RTN4RL2: variants seen among roughly 807,000 people sequenced by gnomAD.
The protein encoded by RTN4RL2 is reticulon-4 receptor-like 2.
RTN4RL2 carries 9 observed loss-of-function variants against 27.8 expected under a neutral mutation model. The ratio of observed to expected loss-of-function variants is 0.32; its 90% CI spans 0.20 to 0.57. The LOEUF is 0.57. Ranked by LOEUF, RTN4RL2 falls within the 20% of genes least tolerant of loss-of-function variation. RTN4RL2 has a pLI of 0.90. For missense variants in RTN4RL2, 436 were observed against 596.8 expected (o/e 0.73, Z 2.81); for synonymous variants, 285 against 297.9 (o/e 0.96, Z 0.45).
chr11:57,461,013 A>G (rs2135113015), intron 1 of RTN4RL2, 117 bp downstream of exon 1: 2 of 582,534 alleles, frequency 3.4e-6, no homozygotes, highest in East Asian at 7.0e-5. Flanking sequence ...GGGGAAGGGG[A>G]AAAGCTCAGC....
intron 1 of RTN4RL2, among the ~76,000 whole-genome samples, chr11:57,462,470 G>A (rs535268753): frequency 6.6e-6 from 1 of 152,300 alleles, no homozygotes; most frequent in Admixed American, 6.5e-5. Context: ...CAGAGCGAGA[G>A]GCCTCTGCTG....
chr11:57,463,814 G>A (rs1047384361), intron 1 of RTN4RL2, among the ~76,000 whole-genome samples: 9 of 152,202 alleles, frequency 5.9e-5, no homozygotes, highest in South Asian at 4.1e-4. Flanking sequence ...GACTGAGGGC[G>A]GGGGAGAGAG....
rs1179670239 is a variant in RTN4RL2 at position 57,467,339 on chromosome 11, T to C, written c.32-270T>C. Among the ~76,000 whole-genome samples the C allele has an allele frequency of 6.6e-6, 1 of 151,850 alleles. No homozygotes were observed. The highest frequency in any genetic ancestry group is 2.4e-5 in the African/African-American group (1 of 41,330). ...GATCCTCCTGCCTCAGCCTCCCAAG[T>C]AGTTGGGACTACAGGCACATGCCAC... On this transcript the variant is annotated intron_variant, in intron 1 of 2. Transcript: ENST00000335099. This position sits in a 1 kb window ranked among gnomAD's most constrained non-coding sequence, Gnocchi z 5.5.
intron 2 of RTN4RL2, among the ~76,000 whole-genome samples, chr11:57,475,889 C>T (rs1015103858): frequency 1.3e-5 from 2 of 152,318 alleles, no homozygotes; most frequent in South Asian, 2.1e-4. Flanking sequence ...GAATTAGAAA[C>T]TCTGCCCCCC....
In RTN4RL2 at chr11:57,467,971, C is replaced by T; in HGVS notation, c.394C>T (p.Arg132Trp). Residue 132 changes from arginine (R) to tryptophan (W), a missense_variant, in exon 2 of 3, where the codon CGG becomes TGG. Physicochemically the swap from Arg to Trp is moderately radical, Grantham distance 101. This residue lies in a region of RTN4RL2 where 365 missense variants were observed against 530.5 expected (regional missense o/e 0.69). Coordinates refer to ENST00000335099, the MANE Select transcript of RTN4RL2 (RefSeq NM_178570.3). This position sits in a 1 kb window ranked among gnomAD's most constrained non-coding sequence, Gnocchi z 5.5. The part of the protein sequence containing the change: ...LEPDTFQGLE[R>W]LQSLHLYRCQ... ...GCCCGACACCTTCCAGGGCCTGGAG[C>T]GGCTGCAGTCGCTGCATTTGTACCG... The T allele has an allele frequency of 2.5e-6, 4 of 1,609,586 alleles. No homozygotes were observed. The highest frequency in any genetic ancestry group is 3.4e-6 in the Non-Finnish European group (4 of 1,179,920).
chr11:57,476,060 CCACGGTG>C lies in RTN4RL2; in HGVS notation c.514-98_514-92del. 1 of 1,129,594 alleles carries C rather than the reference CCACGGTG, an allele frequency of 8.9e-7. No individual in the cohort carries two copies. The highest frequency in any genetic ancestry group is 1.3e-6 in the Non-Finnish European group (1 of 784,032). The allele number at this position is 1,129,594 out of a possible 1,614,324, so 70.0% of individuals were successfully genotyped here. On this transcript the variant is annotated intron_variant, in intron 2 of 2. Transcript: ENST00000335099. The surrounding 1 kb of genome is among the most constrained non-coding windows in gnomAD (Gnocchi z 8.2). Reference sequence around the variant, plus strand: ...CAAAAGGTCAACCCTTTCTCTTCTGCCACGGTGCACCCCCTTCCCTCCCCCGGCCAAG... The same window carrying C: ...CAAAAGGTCAACCCTTTCTCTTCTGCCACCCCCTTCCCTCCCCCGGCCAAG...
chr11:57,473,347 C>T (rs1943575308), intron 2 of RTN4RL2, among the ~76,000 whole-genome samples: 1 of 152,138 alleles, frequency 6.6e-6, no homozygotes, highest in African/African-American at 2.4e-5. Context: ...CGCAAGGTCA[C>T]ACAGCCAAGC....
At position 57,467,566 on chromosome 11, in the gene RTN4RL2, C is replaced by G; in HGVS notation, c.32-43C>G. On this transcript the variant is annotated intron_variant, in intron 1 of 2. Coordinates refer to ENST00000335099, the MANE Select transcript of RTN4RL2 (RefSeq NM_178570.3). This position sits in a 1 kb window ranked among gnomAD's most constrained non-coding sequence, Gnocchi z 5.5. ...GGCTGGCCCCCAGCTGGCACTCCTG[C>G]CCTGGAAGCCCACCTAGTAAGTTCT... 6.4e-7 allele frequency: 1 copy of G among 1,560,314 alleles called. No homozygotes were observed. The highest frequency in any genetic ancestry group is 1.4e-5 in the African/African-American group (1 of 73,772).
chr11:57,462,623 A>G lies in RTN4RL2; in HGVS notation c.31+1727A>G, dbSNP rs576818757. On this transcript the variant is annotated intron_variant, in intron 1 of 2. Coordinates refer to ENST00000335099, the MANE Select transcript of RTN4RL2 (RefSeq NM_178570.3). ...TCTTCTACAGGGGCCTCCGGCCCAA[A>G]GAGTGGCCTGTGGGCTGAGAACTTT... is the stretch of plus-strand genomic sequence containing the variant. 2.3e-4 allele frequency among the ~76,000 whole-genome samples: 35 copies of G among 152,370 alleles called. No individual in the cohort carries two copies. In the East Asian group the frequency reaches 5.8e-3, roughly 25 times the overall value.
intron 1 of RTN4RL2, among the ~76,000 whole-genome samples, chr11:57,465,040 G>A (rs1408430392): frequency 2.0e-5 from 3 of 151,834 alleles, no homozygotes; most frequent in Non-Finnish European, 2.9e-5. Context: ...AGCACGCACC[G>A]ACGCAGCACC....
chr11:57,463,968 T>C (rs1943503590), intron 1 of RTN4RL2, among the ~76,000 whole-genome samples: 1 of 152,052 alleles, frequency 6.6e-6, no homozygotes, highest in Admixed American at 6.5e-5. Flanking sequence ...TGAGAGCCGC[T>C]GCGTGAATTA....
chr11:57,466,079 C>G (rs1032797906), intron 1 of RTN4RL2, among the ~76,000 whole-genome samples: 5 of 146,478 alleles, frequency 3.4e-5, no homozygotes, highest in Non-Finnish European at 7.4e-5. Context: ...CGGCTCACTG[C>G]AAGCTCCGCC....
At chr11:57,463,122 TG>T (rs1943495679) in intron 1 of RTN4RL2, among the ~76,000 whole-genome samples, 1 of 152,238 alleles carries the variant, frequency 6.6e-6, no homozygotes, top group Non-Finnish European at 1.5e-5. Flanking sequence ...TTTTCCAATC[TG>T]GGTTCCACCT....
chr11:57,463,574 C>T (rs1022527371), intron 1 of RTN4RL2, among the ~76,000 whole-genome samples: 1 of 151,938 alleles, frequency 6.6e-6, no homozygotes, highest in East Asian at 1.9e-4. Flanking sequence ...GGGGTCGGCT[C>T]TAGGTGGCCA....
At chr11:57,474,213 C>T (rs914760876) in intron 2 of RTN4RL2, among the ~76,000 whole-genome samples, 5 of 152,114 alleles carry the variant, frequency 3.3e-5, no homozygotes, top group South Asian at 2.1e-4. Flanking sequence ...CAGCAGGGGG[C>T]GGAGAATGGT....
Position 57,477,070 on chromosome 11 carries a change from C to A in RTN4RL2, c.*159C>A. On this transcript the variant is annotated 3_prime_UTR_variant, in exon 3 of 3. Transcript: ENST00000335099. Reference sequence around the variant, plus strand: ...CCGGGGAGCAGGCCGCCTCTCCTTGCCTGCCCCCTGGGCTGTCCTGACTTG... The same window carrying A: ...CCGGGGAGCAGGCCGCCTCTCCTTGACTGCCCCCTGGGCTGTCCTGACTTG... 4.4e-6 allele frequency: 3 copies of A among 688,086 alleles called. No individual in the cohort carries two copies. Among genetic ancestry groups the A allele is most frequent in the Non-Finnish European group, 6.8e-6 (3 of 442,180 alleles). 42.6% of individuals were successfully genotyped at this position (688,086 alleles called of 1,614,324 possible). A position where few individuals can be genotyped will look rare whatever the true frequency, so the allele number is the denominator to read the frequency against.
At chr11:57,473,220 T>A (rs568153850) in intron 2 of RTN4RL2, among the ~76,000 whole-genome samples, 3 of 152,104 alleles carry the variant, frequency 2.0e-5, no homozygotes, top group Non-Finnish European at 4.4e-5. Flanking sequence ...ATGAGGCACA[T>A]CCCAGAACTC....
At chr11:57,465,850 G>GA (rs200577154) in intron 1 of RTN4RL2, among the ~76,000 whole-genome samples, 5,426 of 136,962 alleles carry the variant, frequency 0.04, 139 homozygotes, top group Non-Finnish European at 0.058. Flanking sequence ...TACTTTGGGG[G>GA]AAAAAAAAAA....
In RTN4RL2 at chr11:57,462,396, C is replaced by T. The variant is rs553061125; in HGVS notation, c.31+1500C>T. Among the ~76,000 whole-genome samples the T allele has an allele frequency of 1.7e-4, 26 of 152,330 alleles. No individual in the cohort carries two copies. In the South Asian group the frequency reaches 5.0e-3, roughly 29 times the overall value. On this transcript the variant is annotated intron_variant, in intron 1 of 2. Coordinates refer to ENST00000335099, the MANE Select transcript of RTN4RL2 (RefSeq NM_178570.3). ...CATCTGCCCGCAGGCCCCAGCCCTT[C>T]CCTGAAGCAGCCCGTTGGGTGTGGA...
Sources: allele counts gnomAD v4.1 joint callset (sites outside exome capture counted in the v4.1 genomes callset), GRCh38; gene constraint gnomAD v4.1.1; regional missense constraint gnomAD v4.1.1; non-coding constraint Gnocchi (gnomAD v3.1); transcripts MANE v1.5; gene names NCBI Gene and HGNC (gene_info 2026-07-23, HGNC 2026-07-21).